WNT9A: variants seen among roughly 807,000 people sequenced by gnomAD.
The protein encoded by WNT9A is Wnt family member 9A.
WNT9A carries 8 observed loss-of-function variants against 31.4 expected under a neutral mutation model. The observed-to-expected ratio is 0.26, with a 90% CI of 0.15 to 0.46. The LOEUF (loss-of-function observed/expected upper bound fraction) is 0.46, where lower values mean the gene tolerates loss of function less well. WNT9A is among the 20% of genes least tolerant of loss of function. The pLI, the probability that WNT9A is intolerant of heterozygous loss-of-function variation, is 0.99. For missense variants in WNT9A, 457 were observed against 522.9 expected, an observed-to-expected ratio of 0.87 and a Z score of 1.23; for synonymous variants, 236 against 220.1, an observed-to-expected ratio of 1.07 and a Z score of -0.64.
At chr1:227,924,053 C>CT in intron 3 of WNT9A, 85 bp downstream of exon 3, 4 of 1,090,066 alleles carry the variant, frequency 3.7e-6, no homozygotes, top group South Asian at 1.9e-5. Flanking sequence ...GCTGCAGCCC[C>CT]GCCCCCAGTC....
chr1:227,947,870 C>T lies in WNT9A; in HGVS notation c.18G>A (p.Pro6=). 1 of 1,083,002 alleles carries T rather than the reference C, an allele frequency of 9.2e-7. No homozygotes were observed. Among genetic ancestry groups the T allele is most frequent in the African/African-American group, 1.7e-5 (1 of 59,334 alleles). 67.1% of individuals were successfully genotyped at this position (1,083,002 alleles called of 1,614,324 possible). A position where few individuals can be genotyped will look rare whatever the true frequency, so the allele number is the denominator to read the frequency against. Residue 6 remains proline (P), a synonymous_variant, in exon 1 of 4, where the codon CCG becomes CCA. Transcript: ENST00000272164. ...AGGCCGCGGCCAGCCAGCGCGCCAG[C>T]GGGGACCCATCCAGCATCTTGCCGC... The part of the protein sequence containing the change: MLDGS[P]LARWLAAAFG...
chr1:227,922,515 C>T (rs1666340421), intron 3 of WNT9A, among the ~76,000 whole-genome samples: 1 of 152,244 alleles, frequency 6.6e-6, no homozygotes, highest in Admixed American at 6.5e-5. Context: ...GACCCCCAAC[C>T]CACCGGTGCT....
Position 227,921,638 on chromosome 1 carries a change from G to A in WNT9A, c.978C>T (p.Arg326=), listed in dbSNP as rs570650747. The A allele has an allele frequency of 1.5e-5, 25 of 1,613,346 alleles. No homozygotes were observed. In the African/African-American group the frequency reaches 1.6e-4, roughly 10 times the overall value. Residue 326 remains arginine, a synonymous_variant, in exon 4 of 4, where the codon CGC becomes CGT. Coordinates refer to ENST00000272164, the MANE Select transcript of WNT9A (RefSeq NM_003395.4). ...CCACCCGGCTCTGTGTGTTATGGCC[G>A]CGGCCACAGCAGATGCTCTCGCAGT... is the stretch of plus-strand genomic sequence containing the variant. The part of the protein sequence containing the change: ...EKNCESICCG[R]GHNTQSRVVT...
Position 227,925,130 on chromosome 1 carries a change from G to A in WNT9A, c.352+133C>T. 7.4e-7 allele frequency: 1 copy of A among 1,356,710 alleles called. No homozygotes were observed. Among genetic ancestry groups the A allele is most frequent in the Non-Finnish European group, 9.6e-7 (1 of 1,037,500 alleles). 84.0% of individuals were successfully genotyped at this position (1,356,710 alleles called of 1,614,324 possible). A position where few individuals can be genotyped will look rare whatever the true frequency, so the allele number is the denominator to read the frequency against. ...CGGGGCTGCCCTTTCCAGGGCCTAG[G>A]CCCAGGAGCTCTGGGCAGGCTGGGC... is the stretch of plus-strand genomic sequence containing the variant. On this transcript the variant is annotated intron_variant, in intron 2 of 3. Coordinates refer to ENST00000272164, the MANE Select transcript of WNT9A (RefSeq NM_003395.4). This position sits in a 1 kb window ranked among gnomAD's most constrained non-coding sequence, Gnocchi z 6.0.
At chr1:227,945,223 C>T (rs1419345791) in intron 1 of WNT9A, among the ~76,000 whole-genome samples, 1 of 152,198 alleles carries the variant, frequency 6.6e-6, no homozygotes, top group Non-Finnish European at 1.5e-5. Flanking sequence ...GAGTCTGTAC[C>T]CCAAGCCCTC....
chr1:227,927,203 G>T (rs1666433870), intron 1 of WNT9A, among the ~76,000 whole-genome samples: 1 of 152,172 alleles, frequency 6.6e-6, no homozygotes, highest in South Asian at 2.1e-4. Flanking sequence ...CCACCAAGAG[G>T]TGCTGCAGAG....
Position 227,924,327 on chromosome 1 carries a change from G to A in WNT9A, c.426C>T (p.Ser142=), listed in dbSNP as rs144946259. Residue 142 remains serine, a synonymous_variant, in exon 3 of 4, where the codon AGC becomes AGT. Coordinates refer to ENST00000272164, the MANE Select transcript of WNT9A (RefSeq NM_003395.4). ...AGGTACAGCGCTCCATGCGGCCCGC[G>A]CTGCACGCCTTGGCCAGTGCGTGCG... is the stretch of plus-strand genomic sequence containing the variant. ...GLTHALAKAC[S]AGRMERCTCD... is the part of the protein sequence containing the mutation. 17 of 1,613,522 alleles carry A rather than the reference G, an allele frequency of 1.1e-5. No homozygotes were observed. The highest frequency in any genetic ancestry group is 8.3e-5 in the Admixed American group (5 of 59,994).
In WNT9A at chr1:227,925,112, GC is replaced by G; in HGVS notation, c.352+150del. ...CAGCACTCAGGGAGGTCCCGGGGCT[GC>G]CCTTTCCAGGGCCTAGGCCCAGGAG... On this transcript the variant is annotated intron_variant, in intron 2 of 3. Transcript: ENST00000272164. This position sits in a 1 kb window ranked among gnomAD's most constrained non-coding sequence, Gnocchi z 6.0. 1 of 1,239,984 alleles carries G rather than the reference GC, an allele frequency of 8.1e-7. No individual in the cohort carries two copies. The highest frequency in any genetic ancestry group is 1.7e-5 in the South Asian group (1 of 57,462). 76.8% of individuals were successfully genotyped at this position (1,239,984 alleles called of 1,614,324 possible).
chr1:227,923,103 C>T (rs192718180), intron 3 of WNT9A, among the ~76,000 whole-genome samples: 2 of 152,278 alleles, frequency 1.3e-5, no homozygotes, highest in African/African-American at 4.8e-5. Context: ...AATCTGCCTT[C>T]GAAGGCTCTC....
Position 227,926,567 on chromosome 1 carries a change from C to A in WNT9A, c.96-1048G>T, listed in dbSNP as rs1267716128. On this transcript the variant is annotated intron_variant, in intron 1 of 3. Transcript: ENST00000272164. The surrounding 1 kb of genome is among the most constrained non-coding windows in gnomAD (Gnocchi z 5.0). Reference sequence around the variant, plus strand: ...GTCAGACCTGCCAGCCCAGTGTCCCCACATGGGTGGACTGAATGTCAGGGG... The same window carrying A: ...GTCAGACCTGCCAGCCCAGTGTCCCAACATGGGTGGACTGAATGTCAGGGG... Among the ~76,000 whole-genome samples, 1 of 152,144 alleles carries A rather than the reference C, an allele frequency of 6.6e-6. No homozygotes were observed. The highest frequency in any genetic ancestry group is 1.5e-5 in the Non-Finnish European group (1 of 68,024).
At chr1:227,941,546 G>A (rs1035352228) in intron 1 of WNT9A, 1 of 154,298 alleles carries the variant, frequency 6.5e-6, no homozygotes, top group Non-Finnish European at 1.5e-5. Flanking sequence ...GAGAGAAGGA[G>A]GCATCTGGGC....
At chr1:227,922,304 G>C (rs987999607) in intron 3 of WNT9A, among the ~76,000 whole-genome samples, 4 of 152,322 alleles carry the variant, frequency 2.6e-5, no homozygotes, top group African/African-American at 7.2e-5. Flanking sequence ...CCTGCGTCAG[G>C]GGCTGCCCTC....
At chr1:227,929,331 G>C (rs865963265) in intron 1 of WNT9A, among the ~76,000 whole-genome samples, 8 of 152,206 alleles carry the variant, frequency 5.3e-5, no homozygotes, top group African/African-American at 1.7e-4. Flanking sequence ...TGTCTGATGG[G>C]AATATCGTCA....
intron 1 of WNT9A, among the ~76,000 whole-genome samples, chr1:227,927,405 G>A (rs980476549): frequency 8.5e-5 from 13 of 152,172 alleles, no homozygotes; most frequent in Admixed American, 5.9e-4. Context: ...CTCTGAGCCT[G>A]GACACTGCCG....
Position 227,924,123 on chromosome 1 carries a change from C to A in WNT9A, c.615+15G>T. ...TGACCCTCCCTTCCCACCCCGCCAG[C>A]CCCACCCCACTTGCCTTCACACCCA... On this transcript the variant is annotated intron_variant, in intron 3 of 3. Transcript: ENST00000272164. 6.3e-7 allele frequency: 1 copy of A among 1,586,750 alleles called. No homozygotes were observed. Among genetic ancestry groups the A allele is most frequent in the African/African-American group, 1.3e-5 (1 of 74,202 alleles).
At chr1:227,940,488 T>C (rs973363794) in intron 1 of WNT9A, among the ~76,000 whole-genome samples, 1 of 152,178 alleles carries the variant, frequency 6.6e-6, no homozygotes, top group African/African-American at 2.4e-5. Flanking sequence ...CTCACTCTCC[T>C]GTAGGTGTCA....
At chr1:227,943,090 C>T (rs1666734481) in intron 1 of WNT9A, among the ~76,000 whole-genome samples, 1 of 152,228 alleles carries the variant, frequency 6.6e-6, no homozygotes. Flanking sequence ...CAGCAGCCTC[C>T]CTCTTGGACC....
intron 1 of WNT9A, among the ~76,000 whole-genome samples, chr1:227,946,840 G>C (rs1054448258): frequency 1.3e-5 from 2 of 152,058 alleles, no homozygotes; most frequent in Admixed American, 6.5e-5. Flanking sequence ...ACAGGTGACC[G>C]GCGGAGGGCG....
At chr1:227,934,520 G>C (rs1227297844) in intron 1 of WNT9A, among the ~76,000 whole-genome samples, 2 of 152,198 alleles carry the variant, frequency 1.3e-5, no homozygotes, top group African/African-American at 4.8e-5. Context: ...ATTAGTCTCA[G>C]ATATTTCCAA....
Sources: gnomAD v4.1 joint callset for allele counts (sites outside exome capture counted in the v4.1 genomes callset) on GRCh38, gnomAD v4.1.1 for gene constraint, Gnocchi (gnomAD v3.1) non-coding constraint, MANE v1.5 for transcripts, NCBI Gene and HGNC (gene_info 2026-07-23, HGNC 2026-07-21) for gene names.